Variants in KDM6A observed in about 807,000 individuals in gnomAD.
KDM6A encodes lysine demethylase 6A, also known as lysine-specific demethylase 6A.
KDM6A carries 11 observed loss-of-function variants against 117.6 expected under a neutral mutation model. The observed-to-expected ratio is 0.09, with a 90% CI of 0.06 to 0.15. KDM6A has a LOEUF of 0.15. KDM6A is among the 10% of genes least tolerant of loss of function. The pLI is 1.00. For synonymous variants in KDM6A, 384 were observed against 396.1 expected, an observed-to-expected ratio of 0.97 and a Z score of 0.36; for missense variants, 799 against 1,077.3, an observed-to-expected ratio of 0.74 and a Z score of 3.62.
At chrX:45,098,021 C>T (rs1434311475) in intron 27 of KDM6A, among the ~76,000 whole-genome samples, 3 of 111,938 alleles carry the variant, frequency 2.7e-5, no homozygotes, top group Non-Finnish European at 3.8e-5. Flanking sequence ...AGTGGCAGCT[C>T]AGTGGATAAC....
chrX:45,015,165 A>G (rs913356080), intron 5 of KDM6A, among the ~76,000 whole-genome samples: 7 of 110,144 alleles, frequency 6.4e-5, no homozygotes, highest in African/African-American at 2.3e-4. Flanking sequence ...GTAGTGGCAC[A>G]ATCACGGCCC....
At position 45,082,652 on chromosome X, in the gene KDM6A, T is replaced by C; in HGVS notation, c.3365+12T>C. ...ACATCGTCAGATAAGTAAGTCATTT[T>C]TAATGTCCACTTAGTATTTCTTTTT... On this transcript the variant is annotated intron_variant, in intron 22 of 29. Coordinates refer to ENST00000611820, the MANE Select transcript of KDM6A (RefSeq NM_001291415.2). The C allele has an allele frequency of 8.5e-7, 1 of 1,174,542 alleles. No individual in the cohort carries two copies. Among genetic ancestry groups the C allele is most frequent in the Non-Finnish European group, 1.2e-6 (1 of 861,970 alleles).
At chrX:44,962,813 C>CT (rs2038748266) in intron 3 of KDM6A, among the ~76,000 whole-genome samples, 1 of 112,279 alleles carries the variant, frequency 8.9e-6, no homozygotes, top group Admixed American at 9.4e-5. Context: ...ATCAACTGAG[C>CT]TTTCATCAAG....
chrX:44,963,440 A>AGTGTGTGTGTGTGTGTGTGT (rs747821170), intron 3 of KDM6A, among the ~76,000 whole-genome samples: 1 of 69,881 alleles, frequency 1.4e-5, no homozygotes, highest in Non-Finnish European at 2.6e-5. Context: ...AGGGTGACAG[A>AGTGTGTGTGTGTGTGTGTGT]GTGTGTGTGT....
At chrX:45,024,987 A>T (rs1363989629) in intron 6 of KDM6A, among the ~76,000 whole-genome samples, 2 of 112,193 alleles carry the variant, frequency 1.8e-5, no homozygotes, top group Non-Finnish European at 3.8e-5. Flanking sequence ...ACCAATAAAG[A>T]TTGTATGTGT....
At chrX:45,104,061 G>A (rs1275841029) in intron 27 of KDM6A, among the ~76,000 whole-genome samples, 2 of 89,664 alleles carry the variant, frequency 2.2e-5, no homozygotes, top group Non-Finnish European at 4.3e-5. Flanking sequence ...TTTCGCTCTT[G>A]TTGCCCAGGC....
At chrX:44,937,457 C>A (rs1029888010) in intron 2 of KDM6A, among the ~76,000 whole-genome samples, 31 of 111,770 alleles carry the variant, frequency 2.8e-4, no homozygotes, top group African/African-American at 1.0e-3. Flanking sequence ...GTAATTCTCA[C>A]ACTATTTCAA....
chrX:45,093,185 C>T (rs2045959818), intron 27 of KDM6A, among the ~76,000 whole-genome samples: 1 of 108,645 alleles, frequency 9.2e-6, no homozygotes, highest in South Asian at 4.1e-4. Context: ...GAGTTTGAGA[C>T]CAGGCTGGCC....
At chrX:44,901,266 A>G (rs6611047) in intron 2 of KDM6A, among the ~76,000 whole-genome samples, 23,858 of 109,785 alleles carry the variant, frequency 0.22, 4,337 homozygotes, top group African/African-American at 0.61. Context: ...CTGTAATCTC[A>G]GCTGCTCGGG....
intron 3 of KDM6A, among the ~76,000 whole-genome samples, chrX:44,973,852 G>A (rs775123885): frequency 3.2e-4 from 35 of 109,992 alleles, no homozygotes; most frequent in African/African-American, 9.6e-4. Flanking sequence ...TTAATCTACC[G>A]AATTTAATTT....
chrX:44,960,043 A>C (rs2038583358), intron 2 of KDM6A, among the ~76,000 whole-genome samples: 1 of 111,846 alleles, frequency 8.9e-6, no homozygotes, highest in Non-Finnish European at 1.9e-5. Context: ...TTAGGATATA[A>C]ATTTTTAAAC....
At chrX:44,986,276 T>C (rs1460196708) in intron 4 of KDM6A, among the ~76,000 whole-genome samples, 2 of 112,044 alleles carry the variant, frequency 1.8e-5, no homozygotes, top group Middle Eastern at 4.6e-3. Context: ...CATTTTTTAT[T>C]GCGTCTATTT....
chrX:45,010,886 G>A lies in KDM6A; in HGVS notation c.385-75G>A, dbSNP rs774670146. ...TAGGACTTAAAACATCTTGGATACC[G>A]TATTTTACAATAATAACATCATATA... On this transcript the variant is annotated intron_variant, in intron 4 of 29. Transcript: ENST00000611820. The A allele has an allele frequency of 2.4e-4, 182 of 756,373 alleles. 2 individuals carry two copies. In the East Asian group the frequency reaches 5.7e-3, roughly 24 times the overall value. The allele number at this position is 756,373 out of a possible 1,213,427, so 62.3% of individuals were successfully genotyped here.
chrX:44,895,813 C>T (rs1454869629), intron 2 of KDM6A, among the ~76,000 whole-genome samples: 2 of 106,745 alleles, frequency 1.9e-5, no homozygotes, highest in African/African-American at 6.9e-5. Flanking sequence ...TTATTACTTG[C>T]ATTTTTTGTG....
chrX:44,881,626 T>C (rs762911287), intron 2 of KDM6A, among the ~76,000 whole-genome samples: 2 of 110,876 alleles, frequency 1.8e-5, no homozygotes, highest in South Asian at 7.8e-4. Flanking sequence ...AAACTGTTGG[T>C]GGTGTTCCAT....
chrX:45,063,829 A>G lies in KDM6A; in HGVS notation c.2079+12A>G. On this transcript the variant is annotated intron_variant, in intron 17 of 29. Transcript: ENST00000611820. ...CTAACTCCACTCAGGTAATAGGAGGACTAGCTTCCTTGTTGGCTTTTCACA... is the reference window on the plus strand; with the variant it reads ...CTAACTCCACTCAGGTAATAGGAGGGCTAGCTTCCTTGTTGGCTTTTCACA... The G allele has an allele frequency of 8.5e-7, 1 of 1,179,574 alleles. No homozygotes were observed. The highest frequency in any genetic ancestry group is 1.9e-5 in the South Asian group (1 of 53,848).
chrX:45,057,863 C>CT (rs1355411477), intron 10 of KDM6A, among the ~76,000 whole-genome samples: 2 of 110,835 alleles, frequency 1.8e-5, no homozygotes, highest in Non-Finnish European at 3.8e-5. Flanking sequence ...AAAACATTAA[C>CT]TTTTTTTGCA....
rs879030030 is a variant in KDM6A, at chrX:45,112,152, T to C, written c.*741T>C. The C allele has an allele frequency of 2.5e-5, 4 of 162,698 alleles. No homozygotes were observed. In the South Asian group the frequency reaches 1.3e-3, roughly 52 times the overall value. 13.4% of individuals were successfully genotyped at this position (162,698 alleles called of 1,213,427 possible). On this transcript the variant is annotated 3_prime_UTR_variant, in exon 30 of 30. Transcript: ENST00000611820. Reference sequence around the variant, plus strand: ...ACCTGCCATTGAAATTTTAAGGAGTTCTGTAATTTCAAACACTACTCCTAT... The same window carrying C: ...ACCTGCCATTGAAATTTTAAGGAGTCCTGTAATTTCAAACACTACTCCTAT...
intron 6 of KDM6A, among the ~76,000 whole-genome samples, chrX:45,034,249 T>G (rs1260053493): frequency 8.9e-6 from 1 of 111,885 alleles, no homozygotes; most frequent in African/African-American, 3.2e-5. Context: ...TCCTAAAAAT[T>G]AGTGTTATGC....
Sources: allele counts gnomAD v4.1 joint callset (sites outside exome capture counted in the v4.1 genomes callset), GRCh38; gene constraint gnomAD v4.1.1; transcripts MANE v1.5; gene names NCBI Gene and HGNC (gene_info 2026-07-23, HGNC 2026-07-21).